The following PRRC2B variants were observed in gnomAD, a reference collection of about 807,000 sequenced individuals.
PRRC2B encodes protein PRRC2B.
A neutral mutation model predicts 242.3 loss-of-function variants in PRRC2B; 68 were observed. The observed-to-expected ratio is 0.28, with a 90% confidence interval of 0.23 to 0.34. The LOEUF (loss-of-function observed/expected upper bound fraction) is 0.34. PRRC2B is among the 10% of genes least tolerant of loss of function. The probability of loss-of-function intolerance (pLI) is 1.00; values close to 1 mark genes in which losing one functional copy is unlikely to be tolerated. For synonymous variants in PRRC2B, 1,228 were observed against 1,173.6 expected (o/e 1.05, Z -0.95); for missense variants, 2,835 against 2,954.8 (o/e 0.96, Z 0.94).
At chr9:131,411,765 A>G (rs1316096373) in intron 1 of PRRC2B, among the ~76,000 whole-genome samples, 4 of 151,868 alleles carry the variant, frequency 2.6e-5, no homozygotes. Context: ...TACTTTCATC[A>G]TGTCTTGTTT....
In PRRC2B at chr9:131,374,283, C is replaced by T. The variant is rs137884770; in HGVS notation, c.-56+552C>T. On this transcript the variant is annotated intron_variant, in intron 1 of 1. Transcript: ENST00000682525. ...AAACTAAACACACTGTGGCTGGGTG[C>T]GGTGGCGCCCAGCGGAGACTCTGTC... 6.5e-3 allele frequency among the ~76,000 whole-genome samples: 992 copies of T among 152,134 alleles called. 9 individuals carry two copies. The highest frequency in any genetic ancestry group is 0.02 in the African/African-American group (844 of 41,522).
intron 1 of PRRC2B, among the ~76,000 whole-genome samples, chr9:131,387,872 AT>A (rs1346399424): frequency 6.6e-6 from 1 of 150,910 alleles, no homozygotes; most frequent in Non-Finnish European, 1.5e-5. Flanking sequence ...CAACAGTAAT[AT>A]TTTTGATATA....
intron 5 of PRRC2B, among the ~76,000 whole-genome samples, chr9:131,441,065 G>A (rs1838554307): frequency 6.6e-6 from 1 of 152,122 alleles, no homozygotes; most frequent in Admixed American, 6.6e-5. Flanking sequence ...TCACACTCCT[G>A]TACACCAACC....
In PRRC2B at chr9:131,487,768, C is replaced by A; in HGVS notation, c.5985-88C>A. 1.3e-6 allele frequency: 2 copies of A among 1,513,328 alleles called. No homozygotes were observed. Among genetic ancestry groups the A allele is most frequent in the Non-Finnish European group, 1.8e-6 (2 of 1,123,844 alleles). 93.7% of individuals were successfully genotyped at this position (1,513,328 alleles called of 1,614,324 possible). Reference sequence around the variant, plus strand: ...GTGGGGCCGGGGATCTGTGGTTTAGCAAGCTCTCCGGGGATCTCTGAAGGG... The same window carrying A: ...GTGGGGCCGGGGATCTGTGGTTTAGAAAGCTCTCCGGGGATCTCTGAAGGG... On this transcript the variant is annotated intron_variant, in intron 27 of 31. Transcript: ENST00000683519. The surrounding 1 kb of genome is among the most constrained non-coding windows in gnomAD (Gnocchi z 5.3).
At chr9:131,429,057 C>G (rs1327047289) in intron 1 of PRRC2B, among the ~76,000 whole-genome samples, 1 of 152,210 alleles carries the variant, frequency 6.6e-6, no homozygotes, top group Non-Finnish European at 1.5e-5. Context: ...AGCAATTCTC[C>G]TGCCTCATCC....
At position 131,394,269 on chromosome 9, in the gene PRRC2B, TCGGGGCCGGGGC is replaced by T. The variant is rs1332930945; in HGVS notation, c.-52+19_-52+30del. 6 of 143,780 alleles carry T rather than the reference TCGGGGCCGGGGC, an allele frequency of 4.2e-5. No homozygotes were observed. Among genetic ancestry groups the T allele is most frequent in the African/African-American group, 1.3e-4 (5 of 39,420 alleles). 8.9% of individuals were successfully genotyped at this position (143,780 alleles called of 1,614,324 possible). A position where few individuals can be genotyped will look rare whatever the true frequency, so the allele number is the denominator to read the frequency against. ...CGCCCGCGGAACCAGACCAGGTGGG[TCGGGGCCGGGGC>T]CGGGGCCGGGGCGTGGGGGCGGCGG... On this transcript the variant is annotated splice_region_variant and intron_variant, in intron 1 of 31. Coordinates refer to ENST00000683519, the MANE Select transcript of PRRC2B (RefSeq NM_013318.4).
chr9:131,394,477 G>A (rs1266329037), intron 1 of PRRC2B, among the ~76,000 whole-genome samples: 1 of 146,982 alleles, frequency 6.8e-6, no homozygotes, highest in Non-Finnish European at 1.5e-5. Flanking sequence ...GCCTGGGGGC[G>A]GCGGGCCCGG....
At chr9:131,412,796 T>C (rs1837539584) in intron 1 of PRRC2B, among the ~76,000 whole-genome samples, 2 of 109,982 alleles carry the variant, frequency 1.8e-5, no homozygotes, top group Non-Finnish European at 3.8e-5. Context: ...TCTCTCTCTC[T>C]CTTTTTTTTT....
At chr9:131,375,910 A>G (rs1433771818) in intron 1 of PRRC2B, among the ~76,000 whole-genome samples, 2 of 152,044 alleles carry the variant, frequency 1.3e-5, no homozygotes, top group African/African-American at 2.4e-5. Context: ...TTAGCCGGGC[A>G]TGGTGGCGAT....
chr9:131,486,882 G>A (rs1033011968), intron 26 of PRRC2B, among the ~76,000 whole-genome samples: 4 of 152,240 alleles, frequency 2.6e-5, no homozygotes, highest in Non-Finnish European at 5.9e-5. Flanking sequence ...GTTAAATTCA[G>A]CGTTATGTTT....
chr9:131,402,554 A>T (rs77018640), intron 1 of PRRC2B, among the ~76,000 whole-genome samples: 1 of 152,100 alleles, frequency 6.6e-6, no homozygotes, highest in African/African-American at 2.4e-5. Context: ...CCTTTCCCCC[A>T]GTGGAGTGAG....
upstream of PRRC2B, among the ~76,000 whole-genome samples, chr9:131,391,046 A>G (rs1836895163): frequency 6.6e-6 from 1 of 151,748 alleles, no homozygotes; most frequent in Non-Finnish European, 1.5e-5. Flanking sequence ...CAGCCTCCCA[A>G]AGTCCTGGGA....
At chr9:131,405,158 T>C (rs1380167278) in intron 1 of PRRC2B, among the ~76,000 whole-genome samples, 1 of 152,188 alleles carries the variant, frequency 6.6e-6, no homozygotes, top group African/African-American at 2.4e-5. Context: ...TTGGTGAGCT[T>C]GGGCAGACAG....
rs1050777875 is a variant in PRRC2B at position 131,446,309 on chromosome 9, G to C, written c.614-92G>C. On this transcript the variant is annotated intron_variant, in intron 6 of 31. Coordinates refer to ENST00000683519, the MANE Select transcript of PRRC2B (RefSeq NM_013318.4). The surrounding 1 kb of genome is among the most constrained non-coding windows in gnomAD (Gnocchi z 4.1). ...TTGTTTTTCATTTTATTTTTTTGGT[G>C]AAGGAGGGGGTCCCTTGACCTTCAG... 6.9e-7 allele frequency: 1 copy of C among 1,449,524 alleles called. No homozygotes were observed. 89.8% of individuals were successfully genotyped at this position (1,449,524 alleles called of 1,614,324 possible).
At chr9:131,384,796 C>A (rs1836807015) in intron 1 of PRRC2B, among the ~76,000 whole-genome samples, 1 of 152,142 alleles carries the variant, frequency 6.6e-6, no homozygotes. Context: ...CTCAAGTGAT[C>A]CACCCACCTT....
Position 131,417,809 on chromosome 9 carries a change from C to T in PRRC2B, c.-51-12285C>T, listed in dbSNP as rs796547588. ...TGTGGGATGTGTGTGCGTGGAGATGCGTGCACAGCCCTCTTTATGTACACG... is the reference window on the plus strand; with the variant it reads ...TGTGGGATGTGTGTGCGTGGAGATGTGTGCACAGCCCTCTTTATGTACACG... On this transcript the variant is annotated intron_variant, in intron 1 of 31. Transcript: ENST00000683519. Among the ~76,000 whole-genome samples the T allele has an allele frequency of 3.9e-5, 6 of 152,216 alleles. No homozygotes were observed. The East Asian group carries it at 9.6e-4, about 24-fold the overall frequency.
At chr9:131,481,018 A>G (rs1456514409) in intron 19 of PRRC2B, among the ~76,000 whole-genome samples, 2 of 151,756 alleles carry the variant, frequency 1.3e-5, no homozygotes, top group Non-Finnish European at 2.9e-5. Context: ...AAAAAAAAAG[A>G]AGGCCAGGCC....
chr9:131,398,356 G>A (rs1031769679), intron 1 of PRRC2B, among the ~76,000 whole-genome samples: 1 of 152,230 alleles, frequency 6.6e-6, no homozygotes, highest in East Asian at 1.9e-4. Context: ...AGCATCCTTC[G>A]TCCGAGCTGA....
At chr9:131,424,918 A>G (rs566693841) in intron 1 of PRRC2B, among the ~76,000 whole-genome samples, 24 of 152,196 alleles carry the variant, frequency 1.6e-4, no homozygotes, top group Non-Finnish European at 2.6e-4. Flanking sequence ...ACAGACTGAC[A>G]TCTCGTAAAC....
Sources: allele counts gnomAD v4.1 joint callset (sites outside exome capture counted in the v4.1 genomes callset), GRCh38; gene constraint gnomAD v4.1.1; non-coding constraint Gnocchi (gnomAD v3.1); transcripts MANE v1.5; gene names NCBI Gene and HGNC (gene_info 2026-07-23, HGNC 2026-07-21).